Variants in ABR observed in about 807,000 individuals in gnomAD.
ABR encodes ABR activator of RhoGEF and GTPase.
Under a neutral mutation model 107.2 loss-of-function variants are expected in ABR, and 35 were observed. That is an observed-to-expected ratio of 0.33 (90% CI 0.25 to 0.43). The LOEUF is 0.43. Among genes scored for constraint, ABR ranks in the 20% least tolerant of loss-of-function variants. The pLI is 1.00. For missense variants in ABR, 815 were observed against 1,115.2 expected (o/e 0.73, Z 3.83); for synonymous variants, 498 against 462.0 (o/e 1.08, Z -1.00).
chr17:1,185,144 C>A (rs1449867069), intron 1 of ABR: 2 of 152,116 alleles, frequency 1.3e-5, no homozygotes, highest in African/African-American at 4.8e-5. Flanking sequence ...ATTTCAGAAC[C>A]CTCCCAGGGC....
chr17:1,199,090 A>G (rs1401693862), intron 1 of ABR, among the ~76,000 whole-genome samples: 1 of 147,318 alleles, frequency 6.8e-6, no homozygotes, highest in Non-Finnish European at 1.5e-5. Flanking sequence ...TCCAAGGACG[A>G]GGCCCTATCT....
chr17:1,095,872 T>A (rs2037386135), intron 3 of ABR, among the ~76,000 whole-genome samples: 1 of 152,132 alleles, frequency 6.6e-6, no homozygotes, highest in African/African-American at 2.4e-5. Flanking sequence ...CCCGAGTCAC[T>A]CGTCACTGGA....
intron 16 of ABR, among the ~76,000 whole-genome samples, chr17:1,029,581 C>T (rs1046840331): frequency 6.6e-6 from 1 of 152,176 alleles, no homozygotes; most frequent in African/African-American, 2.4e-5. Context: ...GGCAATCCCT[C>T]CTGCCAGTCT....
At chr17:1,178,832 A>C (rs11651840) in intron 1 of ABR, among the ~76,000 whole-genome samples, 1 of 148,092 alleles carries the variant, frequency 6.8e-6, no homozygotes, top group Non-Finnish European at 1.5e-5. Context: ...CCTTTCTAGC[A>C]ACGGAGCAGG....
At chr17:1,105,174 A>C (rs1331352816) in intron 2 of ABR, among the ~76,000 whole-genome samples, 3 of 151,698 alleles carry the variant, frequency 2.0e-5, no homozygotes, top group Non-Finnish European at 4.4e-5. Context: ...ACGCCCAGAT[A>C]CTTTTTGTGT....
At chr17:1,144,191 C>T (rs2040431438) in intron 1 of ABR, among the ~76,000 whole-genome samples, 1 of 152,170 alleles carries the variant, frequency 6.6e-6, no homozygotes, top group Non-Finnish European at 1.5e-5. Flanking sequence ...GTTATGTGCC[C>T]ACCGAACATA....
At chr17:1,080,266 G>A (rs2036122059) in intron 5 of ABR, among the ~76,000 whole-genome samples, 4 of 152,120 alleles carry the variant, frequency 2.6e-5, no homozygotes, top group Admixed American at 2.6e-4. Context: ...CATGCTGGGG[G>A]TCCGAGAGGA....
At chr17:1,120,917 CAG>C (rs575776324) in intron 2 of ABR, among the ~76,000 whole-genome samples, 285 of 152,320 alleles carry the variant, frequency 1.9e-3, no homozygotes, top group Admixed American at 5.0e-3. Context: ...GGCAAGCAGA[CAG>C]AGGAGTCTGT....
chr17:1,008,447 G>A (rs909448836), intron 21 of ABR, among the ~76,000 whole-genome samples: 4 of 152,216 alleles, frequency 2.6e-5, no homozygotes, highest in Non-Finnish European at 2.9e-5. Context: ...CTCACCACAC[G>A]CGCGCACACG....
upstream of ABR, among the ~76,000 whole-genome samples, chr17:1,181,210 A>G (rs1397060312): frequency 6.6e-6 from 1 of 152,170 alleles, no homozygotes; most frequent in Non-Finnish European, 1.5e-5. Context: ...AAACAGACAC[A>G]CACACATCTA....
At chr17:1,151,529 C>T (rs1438818087) in intron 1 of ABR, among the ~76,000 whole-genome samples, 2 of 152,202 alleles carry the variant, frequency 1.3e-5, no homozygotes, top group East Asian at 3.8e-4. Context: ...GGGCCTCGGT[C>T]AGCCACTCCC....
chr17:1,199,981 T>G (rs1236248934), intron 1 of ABR, among the ~76,000 whole-genome samples: 3 of 151,922 alleles, frequency 2.0e-5, no homozygotes, highest in Non-Finnish European at 4.4e-5. Context: ...CGTGCAGGTC[T>G]GTTACATATG....
chr17:1,094,317 G>A (rs936046895), intron 3 of ABR, among the ~76,000 whole-genome samples: 8 of 151,956 alleles, frequency 5.3e-5, no homozygotes, highest in African/African-American at 7.3e-5. Context: ...ACAGCCATGC[G>A]CTACCTACTG....
At chr17:1,031,681 G>A in intron 16 of ABR, 1 of 1,256,188 alleles carries the variant, frequency 8.0e-7, no homozygotes, top group African/African-American at 1.6e-5. Flanking sequence ...GACTCCTCCA[G>A]CGCCAGGGGT....
intron 14 of ABR, among the ~76,000 whole-genome samples, chr17:1,054,466 C>T (rs577285135): frequency 1.3e-5 from 2 of 148,814 alleles, no homozygotes; most frequent in East Asian, 1.9e-4. Flanking sequence ...GCACAAGGAA[C>T]CTCAGGGGAT....
In ABR at chr17:1,004,164, A is replaced by T. The variant is rs2150674485; in HGVS notation, c.*1916T>A. 1 of 152,286 alleles carries T rather than the reference A, an allele frequency of 6.6e-6. No homozygotes were observed. Among genetic ancestry groups the T allele is most frequent in the Non-Finnish European group, 1.5e-5 (1 of 68,034 alleles). 9.4% of individuals were successfully genotyped at this position (152,286 alleles called of 1,614,324 possible). On this transcript the variant is annotated 3_prime_UTR_variant, in exon 23 of 23. Coordinates refer to ENST00000302538, the MANE Select transcript of ABR (RefSeq NM_021962.5). ...CAGGAGCCTTCTGTGCCACACACCG[A>T]CACTCGGATGCCAGGCAGGGACCTT...
At chr17:1,147,609 C>T (rs2040608604) in intron 1 of ABR, among the ~76,000 whole-genome samples, 2 of 152,124 alleles carry the variant, frequency 1.3e-5, no homozygotes, top group Non-Finnish European at 2.9e-5. Flanking sequence ...GACCCACCCG[C>T]CTCAGCCTCC....
At chr17:1,207,908 T>C (rs965772157) in intron 1 of ABR, among the ~76,000 whole-genome samples, 1 of 151,818 alleles carries the variant, frequency 6.6e-6, no homozygotes, top group African/African-American at 2.4e-5. Flanking sequence ...TAGCTGGGAT[T>C]ACAAGGCGCC....
At chr17:1,143,763 G>A (rs1223945777) in intron 1 of ABR, among the ~76,000 whole-genome samples, 1 of 152,156 alleles carries the variant, frequency 6.6e-6, no homozygotes, top group Non-Finnish European at 1.5e-5. Flanking sequence ...TCCACAGCCT[G>A]AGACAAAGGA....
Sources: allele counts gnomAD v4.1 joint callset (sites outside exome capture counted in the v4.1 genomes callset), GRCh38; gene constraint gnomAD v4.1.1; transcripts MANE v1.5; gene names NCBI Gene and HGNC (gene_info 2026-07-23, HGNC 2026-07-21).